TAF15: variants seen among roughly 807,000 people sequenced by gnomAD.
TAF15 encodes the protein TATA-binding protein-associated factor 2N.
Under a neutral mutation model 102.5 loss-of-function variants are expected in TAF15, and 37 were observed. That is an observed-to-expected ratio of 0.36 (90% CI 0.28 to 0.47). The LOEUF is 0.47. Ranked by LOEUF, TAF15 falls within the 20% of genes least tolerant of loss-of-function variation. The probability of loss-of-function intolerance (pLI) is 0.99; values close to 1 mark genes in which losing one functional copy is unlikely to be tolerated. For missense variants in TAF15, 652 were observed against 760.7 expected (o/e 0.86, Z 1.68); for synonymous variants, 273 against 259.2 (o/e 1.05, Z -0.51).
At chr17:35,828,519 A>C (rs2087357719) in intron 7 of TAF15, among the ~76,000 whole-genome samples, 1 of 152,170 alleles carries the variant, frequency 6.6e-6, no homozygotes. Context: ...GGATTGCTTG[A>C]GGCTAGGAGT....
At chr17:35,837,808 CA>C (rs1328792022) in intron 10 of TAF15, among the ~76,000 whole-genome samples, 1 of 151,976 alleles carries the variant, frequency 6.6e-6, no homozygotes, top group Non-Finnish European at 1.5e-5. Context: ...GCCTGGGCAA[CA>C]GAGCGAGACT....
chr17:35,820,528 A>AC (rs2087246269), intron 5 of TAF15, 91 bp downstream of exon 5: 1 of 1,291,000 alleles, frequency 7.7e-7, no homozygotes, highest in African/African-American at 1.5e-5. Context: ...CTAGCTTTAA[A>AC]CTTTTTTTTT....
intron 6 of TAF15, chr17:35,823,797 T>C (rs2087293578): frequency 4.2e-6 from 2 of 481,488 alleles, no homozygotes; most frequent in African/African-American, 2.0e-5. Context: ...TAACTCATAC[T>C]GTTCCACATT....
chr17:35,819,348 G>A (rs1170047046), intron 2 of TAF15, among the ~76,000 whole-genome samples: 1 of 152,260 alleles, frequency 6.6e-6, no homozygotes, highest in East Asian at 1.9e-4. Context: ...TTTCTGACTT[G>A]TTAGAGCTTA....
chr17:35,823,454 T>G (rs561891442), intron 6 of TAF15, among the ~76,000 whole-genome samples: 6 of 151,956 alleles, frequency 3.9e-5, no homozygotes, highest in African/African-American at 1.4e-4. Context: ...AATCCCAGCA[T>G]TTTGGGAGGC....
chr17:35,830,997 CCT>C (rs2087397903), intron 7 of TAF15, among the ~76,000 whole-genome samples: 1 of 152,050 alleles, frequency 6.6e-6, no homozygotes, highest in Non-Finnish European at 1.5e-5. Flanking sequence ...AAGACTGTAC[CCT>C]GAGTTTCTTG....
chr17:35,815,340 T>G (rs1432197513), intron 1 of TAF15, among the ~76,000 whole-genome samples: 1 of 152,234 alleles, frequency 6.6e-6, no homozygotes, highest in African/African-American at 2.4e-5. Flanking sequence ...ATCTATAAAC[T>G]GATTTTCTCT....
Position 35,844,706 on chromosome 17 carries a change from C to A in TAF15, c.1407C>A (p.Gly469=). The change falls in exon 15 of 16, where the codon GGC becomes GGA. Residue 469 remains glycine, a synonymous_variant. Transcript: ENST00000605844. ...GCGGCTATGGTGGGGACAGAGGAGG[C>A]GGCTATGGAGGAGACCGAGGAGGTG... ...RGGGYGGDRG[G]GYGGDRGGGY... is the part of the protein sequence containing the mutation. 6 of 1,605,512 alleles carry A rather than the reference C, an allele frequency of 3.7e-6. No homozygotes were observed. Among genetic ancestry groups the A allele is most frequent in the Non-Finnish European group, 5.1e-6 (6 of 1,176,742 alleles).
At chr17:35,828,189 C>T (rs2087353813) in intron 7 of TAF15, among the ~76,000 whole-genome samples, 1 of 152,192 alleles carries the variant, frequency 6.6e-6, no homozygotes, top group Non-Finnish European at 1.5e-5. Flanking sequence ...ATTCAGTTAA[C>T]TGCCGTAGAA....
intron 10 of TAF15, 66 bp downstream of exon 10, chr17:35,836,307 G>A (rs2087474118): frequency 8.5e-7 from 1 of 1,177,600 alleles, no homozygotes; most frequent in South Asian, 1.3e-5. Flanking sequence ...CATAGACTAT[G>A]TAGTAAGCCT....
At chr17:35,817,936 G>A (rs1363586640) in intron 2 of TAF15, among the ~76,000 whole-genome samples, 181 bp downstream of exon 2, 1 of 152,162 alleles carries the variant, frequency 6.6e-6, no homozygotes, top group East Asian at 1.9e-4. Flanking sequence ...TTTTCTTTAT[G>A]TTTTGAGACA....
intron 1 of TAF15, among the ~76,000 whole-genome samples, chr17:35,816,288 C>T (rs1051625110): frequency 3.9e-5 from 6 of 152,170 alleles, no homozygotes; most frequent in Non-Finnish European, 7.3e-5. Context: ...GTTCTAAGGA[C>T]ATATTGTATA....
intron 1 of TAF15, chr17:35,810,064 G>T: frequency 4.1e-6 from 1 of 246,276 alleles, no homozygotes; most frequent in Non-Finnish European, 8.1e-6. Flanking sequence ...CATTCATCAG[G>T]TGGGGGCCTT....
chr17:35,820,384 C>T lies in TAF15; in HGVS notation c.237C>T (p.Ser79=), dbSNP rs1456262080. ...AGAATCAAAAGCAGAGCTCATATAG[C>T]CAGCAACCATATAATAACCAGGGAC... The part of the protein sequence containing the change: ...GYENQKQSSY[S]QQPYNNQGQQ... Residue 79 remains serine (S), a synonymous_variant, in exon 5 of 16, where the codon AGC becomes AGT. Transcript: ENST00000605844. 1.2e-6 allele frequency: 2 copies of T among 1,613,810 alleles called. No individual in the cohort carries two copies. Among genetic ancestry groups the T allele is most frequent in the African/African-American group, 1.3e-5 (1 of 74,866 alleles).
intron 7 of TAF15, chr17:35,830,384 A>T (rs1404741909): frequency 6.6e-6 from 1 of 152,220 alleles, no homozygotes; most frequent in Non-Finnish European, 1.5e-5. Flanking sequence ...TATCTCTGCT[A>T]CTTCAGGAAT....
At chr17:35,833,147 ACT>A (rs962720573) in intron 7 of TAF15, among the ~76,000 whole-genome samples, 13 of 143,684 alleles carry the variant, frequency 9.0e-5, no homozygotes, top group Admixed American at 5.5e-4. Flanking sequence ...ACAGAGCGAG[ACT>A]CTGTCTCAAA....
chr17:35,841,713 TTG>T (rs1438478889), intron 11 of TAF15, among the ~76,000 whole-genome samples: 5 of 150,776 alleles, frequency 3.3e-5, no homozygotes, highest in Non-Finnish European at 3.0e-5. Context: ...TTTTTTTTTT[TTG>T]GAGAGAGAGT....
At chr17:35,813,645 G>GA (rs1568240760) in intron 1 of TAF15, among the ~76,000 whole-genome samples, 2 of 52,882 alleles carry the variant, frequency 3.8e-5, no homozygotes, top group Non-Finnish European at 8.0e-5. Flanking sequence ...CCCCCCCCCC[G>GA]CAAAAAAAGA....
At chr17:35,814,097 G>A (rs2087161764) in intron 1 of TAF15, among the ~76,000 whole-genome samples, 1 of 151,762 alleles carries the variant, frequency 6.6e-6, no homozygotes, top group Non-Finnish European at 1.5e-5. Context: ...TGTAGAGATA[G>A]GATCTTTCTG....
Sources: allele counts gnomAD v4.1 joint callset (sites outside exome capture counted in the v4.1 genomes callset), GRCh38; gene constraint gnomAD v4.1.1; transcripts MANE v1.5; gene names NCBI Gene and HGNC (gene_info 2026-07-23, HGNC 2026-07-21).